SAMD5: variants seen among roughly 807,000 people sequenced by gnomAD.
SAMD5 encodes the protein sterile alpha motif domain containing 5.
In SAMD5, 13 loss-of-function variants were observed where a neutral mutation model predicts 11.3. The observed-to-expected ratio is 1.15, with a 90% CI of 0.75 to 1.83. The LOEUF (loss-of-function observed/expected upper bound fraction) is 1.83, where lower values mean the gene tolerates loss of function less well. Among genes scored for constraint, SAMD5 ranks in the 40% most tolerant of loss-of-function variants. The probability of loss-of-function intolerance (pLI) is 0.00; values close to 1 mark genes in which losing one functional copy is unlikely to be tolerated. For missense variants in SAMD5, 255 were observed against 239.1 expected (o/e 1.07, Z -0.44); for synonymous variants, 129 against 111.3 (o/e 1.16, Z -1.00).
chr6:147,589,958 A>C (rs757839121), intron 1 of SAMD5, among the ~76,000 whole-genome samples: 1 of 152,180 alleles, frequency 6.6e-6, no homozygotes, highest in East Asian at 1.9e-4. Flanking sequence ...TTGTATGTGC[A>C]TAGGCCCGGA....
the SAMD5 span, among the ~76,000 whole-genome samples, chr6:147,884,748 A>T: frequency 6.6e-6 from 1 of 152,194 alleles, no homozygotes; most frequent in Non-Finnish European, 1.5e-5. Flanking sequence ...AATTATACAA[A>T]CACTAATTAC....
the SAMD5 span, among the ~76,000 whole-genome samples, chr6:147,902,426 T>C: frequency 6.6e-6 from 1 of 152,060 alleles, no homozygotes; most frequent in Non-Finnish European, 1.5e-5. Flanking sequence ...ATCCTTGTGC[T>C]CCCAGGAACA....
the SAMD5 span, among the ~76,000 whole-genome samples, chr6:147,918,537 G>A: frequency 6.6e-6 from 1 of 152,174 alleles, no homozygotes; most frequent in Admixed American, 6.5e-5. Context: ...ATTTAATTAG[G>A]AAAAGAGGAA....
chr6:147,556,385 C>A (rs1214595792), intron 1 of SAMD5, among the ~76,000 whole-genome samples: 1 of 152,200 alleles, frequency 6.6e-6, no homozygotes, highest in Non-Finnish European at 1.5e-5. Context: ...AGCCACCGTG[C>A]CCGGCTACTA....
chr6:147,781,030 C>A, the SAMD5 span, among the ~76,000 whole-genome samples: 547 of 152,174 alleles, frequency 3.6e-3, 4 homozygotes, highest in African/African-American at 0.012. Context: ...AGGAGAGACA[C>A]ATACAATATA....
intron 1 of SAMD5, among the ~76,000 whole-genome samples, chr6:147,608,865 T>A (rs1412511417): frequency 1.3e-5 from 2 of 152,192 alleles, no homozygotes; most frequent in African/African-American, 4.8e-5. Context: ...CTCTATGATG[T>A]GCTTATTTCA....
the SAMD5 span, among the ~76,000 whole-genome samples, chr6:147,803,714 C>A: frequency 6.6e-6 from 1 of 152,216 alleles, no homozygotes; most frequent in African/African-American, 2.4e-5. Context: ...CCCAAAGACA[C>A]GTGATCGGCA....
chr6:147,550,240 CT>C (rs1788748738), intron 1 of SAMD5, among the ~76,000 whole-genome samples: 1 of 151,842 alleles, frequency 6.6e-6, no homozygotes, highest in South Asian at 2.1e-4. Flanking sequence ...TCTTGTCTCT[CT>C]TAAAACAAAA....
intron 1 of SAMD5, among the ~76,000 whole-genome samples, chr6:147,641,936 A>AT (rs1431197070): frequency 1.3e-5 from 2 of 152,050 alleles, no homozygotes; most frequent in Admixed American, 6.5e-5. Context: ...TAGAATACTT[A>AT]TTTTTTCTGT....
At chr6:147,562,906 C>T (rs905384434) in intron 1 of SAMD5, among the ~76,000 whole-genome samples, 1 of 152,166 alleles carries the variant, frequency 6.6e-6, no homozygotes, top group African/African-American at 2.4e-5. Context: ...AATTTTCCCT[C>T]ACTCCTCCTT....
At chr6:147,796,354 T>C in the SAMD5 span, among the ~76,000 whole-genome samples, 2 of 152,106 alleles carry the variant, frequency 1.3e-5, no homozygotes, top group Non-Finnish European at 2.9e-5. Flanking sequence ...TTTTCTCAGG[T>C]TTGTCAAAGA....
At chr6:147,912,845 T>C in the SAMD5 span, among the ~76,000 whole-genome samples, 2 of 151,322 alleles carry the variant, frequency 1.3e-5, no homozygotes, top group East Asian at 3.9e-4. Flanking sequence ...CTATATTTTA[T>C]ATAAGAAATA....
chr6:147,895,280 G>A, the SAMD5 span, among the ~76,000 whole-genome samples: 1 of 151,578 alleles, frequency 6.6e-6, no homozygotes, highest in Non-Finnish European at 1.5e-5. Context: ...TTTTTCCCCT[G>A]GAAAATGCCC....
intron 1 of SAMD5, among the ~76,000 whole-genome samples, chr6:147,605,399 A>T (rs1789684654): frequency 6.6e-6 from 1 of 152,110 alleles, no homozygotes; most frequent in Non-Finnish European, 1.5e-5. Flanking sequence ...ATAAGTATGA[A>T]CCTCCATACC....
the SAMD5 span, among the ~76,000 whole-genome samples, chr6:147,781,565 G>A: frequency 3.9e-5 from 6 of 151,960 alleles, no homozygotes; most frequent in East Asian, 1.9e-4. Flanking sequence ...ACAGAGTTCC[G>A]GTTCAGTTCT....
At chr6:147,704,971 G>T (rs58217474) in intron 1 of SAMD5, among the ~76,000 whole-genome samples, 3 of 152,156 alleles carry the variant, frequency 2.0e-5, no homozygotes, top group Admixed American at 1.3e-4. Flanking sequence ...AGTAACTATG[G>T]CTGTTGGCAC....
chr6:147,517,965 C>T (rs946294465), intron 1 of SAMD5, among the ~76,000 whole-genome samples: 2 of 151,620 alleles, frequency 1.3e-5, no homozygotes, highest in East Asian at 3.9e-4. Context: ...TAAAAATGCT[C>T]TTAGTGGGTA....
At chr6:147,676,930 TGGGGCCAGATGGTGA>T (rs1307601364) in intron 1 of SAMD5, among the ~76,000 whole-genome samples, 3 of 151,800 alleles carry the variant, frequency 2.0e-5, no homozygotes, top group Admixed American at 6.6e-5. Flanking sequence ...TGACAGAAGC[TGGGGCCAGATGGTGA>T]GGGGCCAGAT....
intron 1 of SAMD5, among the ~76,000 whole-genome samples, chr6:147,597,053 G>C (rs1789542669): frequency 1.3e-5 from 2 of 152,106 alleles, no homozygotes; most frequent in South Asian, 2.1e-4. Flanking sequence ...CCCAGCTGAG[G>C]AATCACCTGG....
Sources: gnomAD v4.1 joint callset for allele counts (sites outside exome capture counted in the v4.1 genomes callset) on GRCh38, gnomAD v4.1.1 for gene constraint, MANE v1.5 for transcripts, NCBI Gene and HGNC (gene_info 2026-07-23, HGNC 2026-07-21) for gene names.